SPHKAP: variants seen among roughly 807,000 people sequenced by gnomAD.
SPHKAP encodes SPHK1 interactor, AKAP domain containing.
A neutral mutation model predicts 137.5 loss-of-function variants in SPHKAP; 67 were observed. That is an observed-to-expected ratio of 0.49 (90% CI 0.40 to 0.60). SPHKAP has a LOEUF of 0.60. SPHKAP is among the 20% of genes least tolerant of loss of function. The probability of loss-of-function intolerance (pLI) is 0.00; values close to 1 mark genes in which losing one functional copy is unlikely to be tolerated. For synonymous variants in SPHKAP, 813 were observed against 785.3 expected (o/e 1.04, Z -0.59); for missense variants, 2,097 against 2,069.3 (o/e 1.01, Z -0.26).
intron 1 of SPHKAP, among the ~76,000 whole-genome samples, chr2:228,140,908 G>A (rs1699586522): frequency 6.6e-6 from 1 of 152,120 alleles, no homozygotes; most frequent in African/African-American, 2.4e-5. Context: ...GCAGATGCCA[G>A]TGTTATGCTT....
intron 2 of SPHKAP, 62 bp from the exon 3 acceptor site, chr2:228,109,001 C>A: frequency 9.8e-7 from 1 of 1,015,754 alleles, no homozygotes. Flanking sequence ...AACAGCAGCT[C>A]TCTCTCTTTT....
rs375022374 is a variant in SPHKAP, at chr2:228,131,977, T to C, written c.138+3A>G. ...AGAAGAAAGTGGCGTAAGGCAAGGT[T>C]ACCTTCTTACAGGCTGTGATGGAGT... On this transcript the variant is annotated splice_donor_region_variant and intron_variant, in intron 2 of 11. Transcript: ENST00000392056. 275 of 1,613,644 alleles carry C rather than the reference T, an allele frequency of 1.7e-4. No individual in the cohort carries two copies. Among genetic ancestry groups the C allele is most frequent in the Non-Finnish European group, 2.1e-4 (247 of 1,179,710 alleles).
chr2:228,016,274 T>G (rs1177714638), intron 7 of SPHKAP, 132 bp downstream of exon 7: 5 of 1,436,104 alleles, frequency 3.5e-6, no homozygotes, highest in Admixed American at 5.3e-5. Context: ...AACTCATTTT[T>G]TTTTTTTTTG....
At chr2:228,045,721 A>C (rs1696019929) in intron 3 of SPHKAP, among the ~76,000 whole-genome samples, 1 of 152,068 alleles carries the variant, frequency 6.6e-6, no homozygotes, top group Non-Finnish European at 1.5e-5. Context: ...CACATTGTGC[A>C]CACGTACCCT....
intron 1 of SPHKAP, among the ~76,000 whole-genome samples, chr2:228,175,192 G>T (rs562090138): frequency 3.2e-4 from 49 of 151,406 alleles, no homozygotes; most frequent in African/African-American, 1.2e-3. Context: ...TAATAAGCAT[G>T]AAGTCACAGA....
intron 1 of SPHKAP, among the ~76,000 whole-genome samples, chr2:228,160,529 A>C (rs1219652215): frequency 6.6e-6 from 1 of 152,196 alleles, no homozygotes; most frequent in East Asian, 1.9e-4. Context: ...TAAAACCATC[A>C]GACCTTGTGA....
chr2:228,124,500 A>G lies in SPHKAP; in HGVS notation c.138+7480T>C, dbSNP rs546288502. Reference sequence around the variant, plus strand: ...TCTCAAGGACAAAAAACCAAACACCACACGTTCTCACTCATAGGTGGGAAT... The same window carrying G: ...TCTCAAGGACAAAAAACCAAACACCGCACGTTCTCACTCATAGGTGGGAAT... On this transcript the variant is annotated intron_variant, in intron 2 of 11. Transcript: ENST00000392056. 8.3e-3 allele frequency among the ~76,000 whole-genome samples: 1,236 copies of G among 148,984 alleles called. 13 individuals are homozygous for G. The highest frequency in any genetic ancestry group is 0.028 in the African/African-American group (1,158 of 40,664).
At chr2:228,145,477 A>G (rs947311703) in intron 1 of SPHKAP, among the ~76,000 whole-genome samples, 1 of 152,146 alleles carries the variant, frequency 6.6e-6, no homozygotes, top group African/African-American at 2.4e-5. Flanking sequence ...CTTAAGAAAG[A>G]GTTGGGAGGA....
At chr2:228,085,260 T>G (rs1275552746) in intron 3 of SPHKAP, among the ~76,000 whole-genome samples, 1 of 152,230 alleles carries the variant, frequency 6.6e-6, no homozygotes, top group African/African-American at 2.4e-5. Context: ...ATGTCAGGTT[T>G]ATTTTTGTTT....
intron 3 of SPHKAP, among the ~76,000 whole-genome samples, chr2:228,082,506 C>T (rs969972927): frequency 6.6e-6 from 1 of 152,150 alleles, no homozygotes; most frequent in Non-Finnish European, 1.5e-5. Context: ...AGGAAGGCAT[C>T]TAAAATGGTA....
intron 3 of SPHKAP, among the ~76,000 whole-genome samples, chr2:228,090,199 A>C (rs1027921485): frequency 6.6e-6 from 1 of 152,062 alleles, no homozygotes; most frequent in Non-Finnish European, 1.5e-5. Flanking sequence ...ATAAGAGCCC[A>C]CCCCTTGCAG....
At position 228,019,636 on chromosome 2, in the gene SPHKAP, T is replaced by A. The variant is rs560889432; in HGVS notation, c.1218A>T (p.Arg406Ser). The A allele has an allele frequency of 3.1e-6, 5 of 1,614,062 alleles. No homozygotes were observed. The Admixed American group carries it at 5.0e-5, about 16-fold the overall frequency. Residue 406 changes from arginine to serine, a missense_variant, in exon 7 of 12, where the codon AGA (arginine) becomes AGT (serine). Coordinates refer to ENST00000392056, the MANE Select transcript of SPHKAP (RefSeq NM_001142644.2). ...GTAATGTGGACTGAGATTGAGATAA[T>A]CTAATAAATGCATCCTGCAGCACGG... ...AESVLQDAFI[R>S]LSQSQSTLPQ... is the part of the protein sequence containing the mutation.
At chr2:228,104,386 TATATA>T (rs1431585247) in intron 3 of SPHKAP, among the ~76,000 whole-genome samples, 1 of 136,228 alleles carries the variant, frequency 7.3e-6, no homozygotes, top group Admixed American at 7.7e-5. Flanking sequence ...ATTATATTAT[TATATA>T]ATATATAATT....
intron 3 of SPHKAP, among the ~76,000 whole-genome samples, chr2:228,097,348 T>C (rs1698017862): frequency 6.6e-6 from 1 of 152,248 alleles, no homozygotes; most frequent in African/African-American, 2.4e-5. Flanking sequence ...CATCTAATTA[T>C]ATTTCTAGCG....
chr2:227,997,575 T>C (rs1693683523), intron 7 of SPHKAP, among the ~76,000 whole-genome samples: 1 of 152,220 alleles, frequency 6.6e-6, no homozygotes, highest in Non-Finnish European at 1.5e-5. Flanking sequence ...AATAACATGC[T>C]TTTGTTAAGA....
chr2:228,058,034 T>C (rs1284329891), intron 3 of SPHKAP, among the ~76,000 whole-genome samples: 1 of 152,146 alleles, frequency 6.6e-6, no homozygotes, highest in Admixed American at 6.5e-5. Flanking sequence ...TAATAATTGG[T>C]CTTATTTAGT....
Position 228,019,010 on chromosome 2 carries a change from A to G in SPHKAP, c.1844T>C (p.Ile615Thr). Residue 615 changes from isoleucine to threonine, a missense_variant, in exon 7 of 12, where the codon ATT (isoleucine) becomes ACT (threonine). Transcript: ENST00000392056. ...AGCCTCCTTGAGCAATCCCTTGGCA[A>G]TGGCTTCCTTGCCAAGCTCCATGCT... ...LASMELGKEA[I>T]AKGLLKEAAL... is the part of the protein sequence containing the mutation. The G allele has an allele frequency of 3.7e-6, 6 of 1,613,966 alleles. No homozygotes were observed. The highest frequency in any genetic ancestry group is 5.1e-6 in the Non-Finnish European group (6 of 1,179,928).
At chr2:228,151,823 T>C (rs185248980) in intron 1 of SPHKAP, among the ~76,000 whole-genome samples, 1 of 152,288 alleles carries the variant, frequency 6.6e-6, no homozygotes, top group African/African-American at 2.4e-5. Flanking sequence ...TAGGTGCTTA[T>C]TATATTTAGT....
At chr2:227,993,486 G>C (rs1376583702) in intron 9 of SPHKAP, 48 bp downstream of exon 9, 1 of 1,496,394 alleles carries the variant, frequency 6.7e-7, no homozygotes, top group Non-Finnish European at 9.2e-7. Flanking sequence ...TTGCCAGATG[G>C]AATTGGAGTA....
Sources: allele counts gnomAD v4.1 joint callset (sites outside exome capture counted in the v4.1 genomes callset), GRCh38; gene constraint gnomAD v4.1.1; transcripts MANE v1.5; gene names NCBI Gene and HGNC (gene_info 2026-07-23, HGNC 2026-07-21).